Variants in RBFOX1 observed in about 807,000 individuals in gnomAD.
The protein encoded by RBFOX1 is RNA binding protein fox-1 homolog 1.
RBFOX1 carries 8 observed loss-of-function variants against 57.7 expected under a neutral mutation model. The ratio of observed to expected loss-of-function variants is 0.14; its 90% CI spans 0.08 to 0.25. The LOEUF (loss-of-function observed/expected upper bound fraction) is 0.25. RBFOX1 is among the 10% of genes least tolerant of loss of function. The pLI is 1.00. For missense variants in RBFOX1, 611 were observed against 548.5 expected (o/e 1.11, Z -1.14); for synonymous variants, 326 against 222.4 (o/e 1.47, Z -4.15).
Position 7,153,686 on chromosome 16 carries a change from G to T in RBFOX1, c.27+101588G>T, listed in dbSNP as rs563559465. 1.3e-4 allele frequency among the ~76,000 whole-genome samples: 19 copies of T among 143,920 alleles called. 2 individuals are homozygous for T. The highest frequency in any genetic ancestry group is 5.7e-4 in the Admixed American group (8 of 13,928). 94.4% of individuals were successfully genotyped at this position (143,920 alleles called of 152,430 possible). A position where few individuals can be genotyped will look rare whatever the true frequency, so the allele number is the denominator to read the frequency against. Reference sequence around the variant, plus strand: ...AATCGCTGGAACCCTGAAGTCGGAGGTTGCATTGAACTCTAGCCTGGTGAC... The same window carrying T: ...AATCGCTGGAACCCTGAAGTCGGAGTTTGCATTGAACTCTAGCCTGGTGAC... On this transcript the variant is annotated intron_variant, in intron 4 of 15. Coordinates refer to ENST00000550418, the MANE Select transcript of RBFOX1 (RefSeq NM_018723.4).
chr16:6,901,833 TATAAAGTGGGAATTGATGA>T (rs2068577732), intron 3 of RBFOX1, among the ~76,000 whole-genome samples: 1 of 152,194 alleles, frequency 6.6e-6, no homozygotes, highest in Non-Finnish European at 1.5e-5. Context: ...CTGTGTTAAA[TATAAAGTGGGAATTGATGA>T]AAAATGTTCT....
At position 6,561,020 on chromosome 16, in the gene RBFOX1, C is replaced by T. The variant is rs1010903396; in HGVS notation, c.-63-93583C>T. Among the ~76,000 whole-genome samples the T allele has an allele frequency of 5.3e-5, 8 of 152,198 alleles. No homozygotes were observed. The East Asian group carries it at 5.8e-4, about 11-fold the overall frequency. ...CCACTTAAAGACAACTTCAAACGCA[C>T]CCTCCAACCACAGGCTTAAGTTGAA... On this transcript the variant is annotated intron_variant, in intron 2 of 15. Transcript: ENST00000550418.
At chr16:6,405,627 A>G (rs568797276) in intron 2 of RBFOX1, among the ~76,000 whole-genome samples, 1 of 152,310 alleles carries the variant, frequency 6.6e-6, no homozygotes, top group East Asian at 1.9e-4. Flanking sequence ...TTCTGTAGCC[A>G]TAAAGGGAAG....
intron 4 of RBFOX1, among the ~76,000 whole-genome samples, chr16:5,921,776 G>T (rs866921358): frequency 6.6e-5 from 10 of 152,060 alleles, no homozygotes; most frequent in African/African-American, 2.4e-4. Flanking sequence ...TATGGTGGAA[G>T]ATAAAGGGAG....
At chr16:7,335,540 A>G (rs1361841671) in intron 4 of RBFOX1, among the ~76,000 whole-genome samples, 2 of 149,750 alleles carry the variant, frequency 1.3e-5, no homozygotes, top group African/African-American at 4.9e-5. Context: ...AGTCATTTTG[A>G]AAATTCAGAC....
chr16:7,140,389 GC>G (rs2073442069), intron 4 of RBFOX1, among the ~76,000 whole-genome samples: 1 of 146,696 alleles, frequency 6.8e-6, no homozygotes, highest in Non-Finnish European at 1.5e-5. Context: ...CATTTTCTGT[GC>G]CACTTCGCTC....
intron 1 of RBFOX1, among the ~76,000 whole-genome samples, chr16:5,320,759 C>G (rs1368725396): frequency 6.6e-6 from 1 of 152,140 alleles, no homozygotes; most frequent in African/African-American, 2.4e-5. Flanking sequence ...CCCTTGATAT[C>G]GGGACCACAA....
intron 2 of RBFOX1, among the ~76,000 whole-genome samples, chr16:5,508,929 T>C (rs542853294): frequency 1.3e-5 from 2 of 152,306 alleles, no homozygotes; most frequent in African/African-American, 4.8e-5. Context: ...CTCTCCAGCA[T>C]AGGAACCCTC....
At chr16:7,686,905 G>C (rs895065365) in intron 14 of RBFOX1, among the ~76,000 whole-genome samples, 2 of 151,992 alleles carry the variant, frequency 1.3e-5, no homozygotes, top group African/African-American at 4.8e-5. Flanking sequence ...GATGAACTTG[G>C]GTTTGAATTT....
intron 1 of RBFOX1, among the ~76,000 whole-genome samples, chr16:6,070,169 T>A (rs2095818352): frequency 6.6e-6 from 1 of 152,196 alleles, no homozygotes. Context: ...ACAACTAAAC[T>A]TTTCAGAAAC....
intron 3 of RBFOX1, among the ~76,000 whole-genome samples, chr16:6,851,107 C>T (rs1372672698): frequency 6.6e-6 from 1 of 152,094 alleles, no homozygotes; most frequent in Non-Finnish European, 1.5e-5. Context: ...GAGTTTCACT[C>T]CCTTGTGGTG....
chr16:7,543,365 C>G (rs2083473335), intron 5 of RBFOX1, among the ~76,000 whole-genome samples: 1 of 152,172 alleles, frequency 6.6e-6, no homozygotes, highest in South Asian at 2.1e-4. Flanking sequence ...ATAGAAATTA[C>G]AAGACTTTTT....
chr16:7,198,297 A>C (rs528934513), intron 4 of RBFOX1, among the ~76,000 whole-genome samples: 1 of 152,296 alleles, frequency 6.6e-6, no homozygotes, highest in African/African-American at 2.4e-5. Flanking sequence ...AAGCCACCGC[A>C]CATGGCCAAT....
chr16:5,418,391 C>T (rs982216770), intron 1 of RBFOX1, among the ~76,000 whole-genome samples: 8 of 151,282 alleles, frequency 5.3e-5, no homozygotes, highest in Non-Finnish European at 1.0e-4. Flanking sequence ...TACGGAGGAC[C>T]GGGGTGTTGT....
chr16:6,053,741 C>G (rs954356766), intron 1 of RBFOX1, among the ~76,000 whole-genome samples: 14 of 152,234 alleles, frequency 9.2e-5, no homozygotes, highest in Middle Eastern at 3.4e-3. Context: ...GTCTGTGCCT[C>G]ACTTGTACAA....
chr16:6,749,263 A>C (rs1462024593), intron 3 of RBFOX1, among the ~76,000 whole-genome samples: 2 of 152,132 alleles, frequency 1.3e-5, no homozygotes, highest in African/African-American at 2.4e-5. Context: ...TGGGTTCCTC[A>C]TTGGTACAGA....
chr16:5,958,003 A>G (rs981808600), intron 4 of RBFOX1, among the ~76,000 whole-genome samples: 4 of 151,110 alleles, frequency 2.6e-5, no homozygotes, highest in African/African-American at 4.9e-5. Context: ...TTATCCTTCT[A>G]CTCTCTATGT....
intron 4 of RBFOX1, among the ~76,000 whole-genome samples, chr16:7,145,487 G>A (rs950870604): frequency 3.5e-4 from 53 of 152,126 alleles, no homozygotes; most frequent in African/African-American, 1.2e-3. Context: ...GATGAGAGGC[G>A]TGAGCCATCA....
At chr16:6,196,481 T>G (rs961530986) in intron 1 of RBFOX1, among the ~76,000 whole-genome samples, 3 of 152,182 alleles carry the variant, frequency 2.0e-5, no homozygotes, top group Non-Finnish European at 4.4e-5. Flanking sequence ...AATCTGGACT[T>G]TTATTAACGA....
Sources: gnomAD v4.1 joint callset for allele counts (sites outside exome capture counted in the v4.1 genomes callset) on GRCh38, gnomAD v4.1.1 for gene constraint, MANE v1.5 for transcripts, NCBI Gene and HGNC (gene_info 2026-07-23, HGNC 2026-07-21) for gene names.